Variants in RPS6KC1 observed in about 807,000 individuals in gnomAD.
RPS6KC1 encodes the protein inactive ribosomal protein S6 kinase delta-1.
In RPS6KC1, 54 loss-of-function variants were observed where a neutral mutation model predicts 103.8. That is an observed-to-expected ratio of 0.52 (90% CI 0.42 to 0.65). The LOEUF (loss-of-function observed/expected upper bound fraction) is 0.65. Among genes scored for constraint, RPS6KC1 ranks in the 30% least tolerant of loss-of-function variants. The pLI is 0.00. For synonymous variants in RPS6KC1, 439 were observed against 438.7 expected (o/e 1.00, Z -0.01); for missense variants, 1,151 against 1,253.8 (o/e 0.92, Z 1.24).
At chr1:213,742,748 G>A in the RPS6KC1 span, among the ~76,000 whole-genome samples, 1 of 152,268 alleles carries the variant, frequency 6.6e-6, no homozygotes, top group Non-Finnish European at 1.5e-5. Flanking sequence ...AGGGCCCCTG[G>A]TTGCTGGAGA....
the RPS6KC1 span, among the ~76,000 whole-genome samples, chr1:213,329,574 A>ATTT: frequency 4.8e-5 from 7 of 146,058 alleles, no homozygotes; most frequent in African/African-American, 1.8e-4. Flanking sequence ...TATTCAGTTG[A>ATTT]TTTTTTTTTT....
At chr1:213,176,538 C>A in intron 8 of RPS6KC1, 46 bp downstream of exon 8, 4 of 1,239,220 alleles carry the variant, frequency 3.2e-6, no homozygotes, top group Middle Eastern at 1.9e-4. Context: ...AAATCGACTG[C>A]ATGCTGACAT....
chr1:213,357,503 A>G, the RPS6KC1 span, among the ~76,000 whole-genome samples: 1 of 152,220 alleles, frequency 6.6e-6, no homozygotes, highest in East Asian at 1.9e-4. Flanking sequence ...CGATGGGTCC[A>G]TACAGACTTT....
At position 213,090,666 on chromosome 1, in the gene RPS6KC1, A is replaced by G. The variant is rs78984395; in HGVS notation, c.262+12850A>G. Among the ~76,000 whole-genome samples the G allele has an allele frequency of 9.3e-3, 1,419 of 152,344 alleles. 52 individuals carry two copies. Among genetic ancestry groups the G allele is most frequent in the East Asian group, 0.072 (376 of 5,196 alleles). On this transcript the variant is annotated intron_variant, in intron 3 of 14. Coordinates refer to ENST00000366960, the MANE Select transcript of RPS6KC1 (RefSeq NM_012424.6). ...ATTCTCATGTCTACATGGGAGATAT[A>G]TATGAATGACTATTAGATGTTTTGG...
the RPS6KC1 span, among the ~76,000 whole-genome samples, chr1:213,854,946 A>T: frequency 2.6e-5 from 4 of 152,322 alleles, no homozygotes; most frequent in East Asian, 1.9e-4. Context: ...TCTGGAGGCT[A>T]CAAGTCCAAG....
chr1:213,068,873 ATGTGTG>A (rs60259563), intron 1 of RPS6KC1, among the ~76,000 whole-genome samples: 3,149 of 127,070 alleles, frequency 0.025, 100 homozygotes, highest in South Asian at 0.11. Context: ...AAGTGTATAT[ATGTGTG>A]TGTGTGTGTG....
the RPS6KC1 span, among the ~76,000 whole-genome samples, chr1:213,672,009 C>T: frequency 6.6e-6 from 1 of 152,028 alleles, no homozygotes; most frequent in Non-Finnish European, 1.5e-5. Context: ...CTCTCCACCC[C>T]AACCCTACCC....
Position 213,211,510 on chromosome 1 carries a change from GC to G in RPS6KC1, c.1045-18986del, listed in dbSNP as rs528601235. Among the ~76,000 whole-genome samples, 524 of 152,278 alleles carry G rather than the reference GC, an allele frequency of 3.4e-3. 5 individuals carry two copies. Among genetic ancestry groups the G allele is most frequent in the African/African-American group, 0.012 (502 of 41,534 alleles). Reference sequence around the variant, plus strand: ...CTCTGTCTTTTATATTCTGCCTTCTGCTATATTTATATCCATTTTCCTTACA... The same window carrying G: ...CTCTGTCTTTTATATTCTGCCTTCTGTATATTTATATCCATTTTCCTTACA... On this transcript the variant is annotated intron_variant, in intron 8 of 14. Transcript: ENST00000366960.
chr1:213,758,435 G>T, the RPS6KC1 span, among the ~76,000 whole-genome samples: 1 of 152,100 alleles, frequency 6.6e-6, no homozygotes, highest in African/African-American at 2.4e-5. Flanking sequence ...AAAATTAGCT[G>T]GGTATGGTGG....
chr1:213,117,230 C>G (rs2083757564), intron 4 of RPS6KC1, 87 bp from the exon 5 acceptor site: 3 of 587,858 alleles, frequency 5.1e-6, no homozygotes, highest in African/African-American at 1.9e-5. Context: ...TACATCTTTA[C>G]ACATACTTAA....
intron 2 of RPS6KC1, among the ~76,000 whole-genome samples, chr1:213,072,241 T>A (rs2078953240): frequency 6.6e-6 from 1 of 152,204 alleles, no homozygotes; most frequent in South Asian, 2.1e-4. Context: ...CTGGCTTGAT[T>A]CATACATTTA....
At chr1:213,364,066 GTTTT>G in the RPS6KC1 span, among the ~76,000 whole-genome samples, 1 of 152,030 alleles carries the variant, frequency 6.6e-6, no homozygotes, top group Admixed American at 6.6e-5. Context: ...GATAGTAAAT[GTTTT>G]AGGCTTTGTG....
the RPS6KC1 span, among the ~76,000 whole-genome samples, chr1:213,736,561 G>A: frequency 1.3e-5 from 2 of 152,130 alleles, no homozygotes; most frequent in African/African-American, 4.8e-5. Context: ...CATCATCTGT[G>A]TCATCTTCTA....
chr1:213,800,981 T>G, the RPS6KC1 span, among the ~76,000 whole-genome samples: 66 of 152,324 alleles, frequency 4.3e-4, no homozygotes, highest in Non-Finnish European at 5.4e-4. Flanking sequence ...CAAGTTCAGC[T>G]TGGCTTTCAC....
At chr1:213,064,389 GGTT>G (rs2148388788) in intron 1 of RPS6KC1, among the ~76,000 whole-genome samples, 1 of 146,048 alleles carries the variant, frequency 6.8e-6, no homozygotes, top group South Asian at 2.2e-4. Flanking sequence ...TTTTTTGAGG[GGTT>G]GTTTCACTCT....
At chr1:213,053,290 T>C (rs2148249785) in intron 1 of RPS6KC1, among the ~76,000 whole-genome samples, 1 of 152,386 alleles carries the variant, frequency 6.6e-6, no homozygotes, top group Admixed American at 6.5e-5. Context: ...TTTAGTTGCA[T>C]GTCTGTGTCT....
intron 5 of RPS6KC1, among the ~76,000 whole-genome samples, chr1:213,119,642 G>T (rs2084158845): frequency 6.6e-6 from 1 of 151,502 alleles, no homozygotes. Flanking sequence ...TTACTAGGTG[G>T]GAGTCAACCA....
chr1:213,331,170 A>C, the RPS6KC1 span, among the ~76,000 whole-genome samples: 5 of 152,326 alleles, frequency 3.3e-5, no homozygotes, highest in African/African-American at 1.2e-4. Context: ...AAACTTTTCT[A>C]TCTGTTGATT....
chr1:213,859,487 A>G, the RPS6KC1 span, among the ~76,000 whole-genome samples: 1 of 152,218 alleles, frequency 6.6e-6, no homozygotes, highest in Non-Finnish European at 1.5e-5. Flanking sequence ...TTTATGGGTC[A>G]TGTGGTTTCT....
Sources: gnomAD v4.1 joint callset for allele counts (sites outside exome capture counted in the v4.1 genomes callset) on GRCh38, gnomAD v4.1.1 for gene constraint, MANE v1.5 for transcripts, NCBI Gene and HGNC (gene_info 2026-07-23, HGNC 2026-07-21) for gene names.